The following PRRC2C variants were observed in gnomAD, a reference collection of about 807,000 sequenced individuals.
PRRC2C encodes the protein proline rich coiled-coil 2C, also known as protein PRRC2C.
PRRC2C carries 72 observed loss-of-function variants against 317.2 expected under a neutral mutation model. That is an observed-to-expected ratio of 0.23 (90% CI 0.19 to 0.28). The LOEUF is 0.28. Among genes scored for constraint, PRRC2C ranks in the 10% least tolerant of loss-of-function variants. The pLI is 1.00. For missense variants in PRRC2C, 3,074 were observed against 3,459.7 expected (o/e 0.89, Z 2.80); for synonymous variants, 1,296 against 1,205.9 (o/e 1.07, Z -1.55).
intron 24 of PRRC2C, among the ~76,000 whole-genome samples, chr1:171,573,980 A>G (rs1685266728): frequency 6.6e-6 from 1 of 151,892 alleles, no homozygotes; most frequent in Admixed American, 6.6e-5. Flanking sequence ...CCCGGCCTCT[A>G]TTTCTCAAAA....
Position 171,579,442 on chromosome 1 carries a change from G to A in PRRC2C, c.7248G>A (p.Gln2416=), listed in dbSNP as rs1452226964. Residue 2416 remains glutamine, a synonymous_variant, in exon 27 of 35, where the codon CAG becomes CAA. Coordinates refer to ENST00000647382, the MANE Select transcript of PRRC2C (RefSeq NM_001387844.1). ...RLAPPSLAQQ[Q]GFQPGLSQPT... ...CTCCGCCATCCTTGGCTCAACAACA[G>A]GGTTTCCAACCAGGTCTCTCTCAGG... 2 of 1,613,648 alleles carry A rather than the reference G, an allele frequency of 1.2e-6. No homozygotes were observed. The highest frequency in any genetic ancestry group is 1.7e-6 in the Non-Finnish European group (2 of 1,179,844).
chr1:171,506,084 C>G (rs543477417), intron 1 of PRRC2C, among the ~76,000 whole-genome samples: 1 of 152,180 alleles, frequency 6.6e-6, no homozygotes, highest in South Asian at 2.1e-4. Flanking sequence ...AAAAGTAGAG[C>G]CAGGGTTTCA....
chr1:171,510,308 AGAGT>A (rs1557881456), intron 1 of PRRC2C: 1 of 152,218 alleles, frequency 6.6e-6, no homozygotes, highest in African/African-American at 2.4e-5. Context: ...GTCTTCACCA[AGAGT>A]GCTGCTTGAG....
rs997199381 is a variant in PRRC2C at position 171,568,054 on chromosome 1, G to A, written c.6559-193G>A. On this transcript the variant is annotated intron_variant, in intron 22 of 34. Coordinates refer to ENST00000647382, the MANE Select transcript of PRRC2C (RefSeq NM_001387844.1). ...ATACAAAAATTAATGTCATGGTGGC[G>A]CACGCCTGTAATCCCAGCTACTTCA... 4.6e-5 allele frequency among the ~76,000 whole-genome samples: 7 copies of A among 152,072 alleles called. No individual in the cohort carries two copies. In the East Asian group the frequency reaches 5.8e-4, roughly 13 times the overall value.
chr1:171,578,649 G>T (rs924910236), intron 26 of PRRC2C, among the ~76,000 whole-genome samples: 3 of 152,166 alleles, frequency 2.0e-5, no homozygotes, highest in African/African-American at 7.2e-5. Flanking sequence ...GGGCAGATCA[G>T]TTGAGGCCAG....
At chr1:171,575,503 T>C (rs1024971235) in intron 25 of PRRC2C, among the ~76,000 whole-genome samples, 2 of 152,210 alleles carry the variant, frequency 1.3e-5, no homozygotes, top group African/African-American at 4.8e-5. Context: ...GGTAAAGACT[T>C]AGGGATGGAG....
intron 17 of PRRC2C, among the ~76,000 whole-genome samples, chr1:171,548,352 G>A (rs1679567452): frequency 6.6e-6 from 1 of 152,132 alleles, no homozygotes; most frequent in Admixed American, 6.6e-5. Context: ...TATTTTAGAA[G>A]AAATGTTTGT....
intron 18 of PRRC2C, among the ~76,000 whole-genome samples, chr1:171,552,258 CTGTT>C (rs59561028): frequency 0.012 from 1,901 of 152,216 alleles, 20 homozygotes; most frequent in Non-Finnish European, 0.021. Context: ...ATTTGGCTCT[CTGTT>C]TGTCTGTTAT....
chr1:171,537,385 C>T lies in PRRC2C; in HGVS notation c.2416C>T (p.Arg806Cys), dbSNP rs774541467. The T allele has an allele frequency of 1.3e-5, 21 of 1,588,422 alleles. No homozygotes were observed. The highest frequency in any genetic ancestry group is 4.5e-5 in the East Asian group (2 of 44,074). The change falls in exon 15 of 35, where the codon CGT becomes TGT. Residue 806 changes from arginine to cysteine, a missense_variant. By Grantham distance (180) the Arg-to-Cys change is radical. Around this residue, in one of 11 missense-constraint regions of PRRC2C, gnomAD observed 1,320 missense variants for 1,395.7 expected, o/e 0.95. Transcript: ENST00000647382. Reference sequence around the variant, plus strand: ...TCACGCAATTTCCCTTTCTGAGCCTCGTATGCTGTGGGGGTCAGATCCCTA... The same window carrying T: ...TCACGCAATTTCCCTTTCTGAGCCTTGTATGCTGTGGGGGTCAGATCCCTA... The part of the protein sequence containing the change: ...RDHAISLSEP[R>C]MLWGSDPYPH...
chr1:171,547,126 C>T (rs1294965433), intron 17 of PRRC2C, among the ~76,000 whole-genome samples: 22 of 152,004 alleles, frequency 1.4e-4, no homozygotes, highest in Admixed American at 1.4e-3. Context: ...ACAAAAAAGA[C>T]AGTAAAAACA....
At chr1:171,561,200 T>C in intron 20 of PRRC2C, 97 bp downstream of exon 20, 2 of 1,202,404 alleles carry the variant, frequency 1.7e-6, no homozygotes, top group South Asian at 1.2e-5. Context: ...CCTAGCGTGG[T>C]GGGAGGGTTA....
rs540992679 is a variant in PRRC2C at position 171,556,697 on chromosome 1, T to C, written c.5128-543T>C. ...AATGAACACAAATATCACGAACCAG[T>C]AGATTTTGGATTCCTGGCCTACAAA... On this transcript the variant is annotated intron_variant, in intron 18 of 34. Coordinates refer to ENST00000647382, the MANE Select transcript of PRRC2C (RefSeq NM_001387844.1). Among the ~76,000 whole-genome samples, 3 of 152,364 alleles carry C rather than the reference T, an allele frequency of 2.0e-5. No individual in the cohort carries two copies. The South Asian group carries it at 6.2e-4, about 32-fold the overall frequency.
chr1:171,537,192 T>C, intron 14 of PRRC2C, 71 bp from the exon 15 acceptor site: 1 of 1,179,150 alleles, frequency 8.5e-7, no homozygotes, highest in Non-Finnish European at 1.2e-6. Flanking sequence ...CTGTATTCTA[T>C]GTCTATCATG....
At chr1:171,529,716 T>TAAAACTA (rs1675413430) in intron 11 of PRRC2C, among the ~76,000 whole-genome samples, 1 of 152,250 alleles carries the variant, frequency 6.6e-6, no homozygotes, top group South Asian at 2.1e-4. Context: ...GTTGTCTTTT[T>TAAAACTA]AAAACTATGG....
At chr1:171,584,571 T>C (rs1478570934) in intron 30 of PRRC2C, 45 bp downstream of exon 30, 19 of 1,501,014 alleles carry the variant, frequency 1.3e-5, no homozygotes, top group African/African-American at 2.8e-5. Flanking sequence ...TTTATTATTA[T>C]TTTTATTGCT....
At chr1:171,520,599 G>T (rs1673363274) in intron 6 of PRRC2C, among the ~76,000 whole-genome samples, 1 of 152,040 alleles carries the variant, frequency 6.6e-6, no homozygotes. Flanking sequence ...ATTATGTCTG[G>T]AATGACCAGA....
At chr1:171,571,582 C>G (rs998533107) in intron 24 of PRRC2C, among the ~76,000 whole-genome samples, 161 bp downstream of exon 24, 3 of 152,114 alleles carry the variant, frequency 2.0e-5, no homozygotes, top group African/African-American at 7.2e-5. Flanking sequence ...GTTTTATTAG[C>G]TTCTGATACC....
In PRRC2C at chr1:171,540,665, C is replaced by T. The variant is rs765493224; in HGVS notation, c.3199C>T (p.Pro1067Ser). 6.2e-7 allele frequency: 1 copy of T among 1,613,974 alleles called. No homozygotes were observed. Among genetic ancestry groups the T allele is most frequent in the Non-Finnish European group, 8.5e-7 (1 of 1,179,880 alleles). Residue 1067 changes from proline (P) to serine (S), a missense_variant, in exon 16 of 35, where the codon CCT becomes TCT. Pro to Ser is a moderately conservative substitution (Grantham distance 74). Coordinates refer to ENST00000647382, the MANE Select transcript of PRRC2C (RefSeq NM_001387844.1). Reference sequence around the variant, plus strand: ...GGATCTTCCTCCTCCCCCACCACCACCTCAGCCACCAGCACCAATTCAGCC... The same window carrying T: ...GGATCTTCCTCCTCCCCCACCACCATCTCAGCCACCAGCACCAATTCAGCC... ...KKDLPPPPPP[P>S]QPPAPIQPQS...
chr1:171,517,849 G>A, intron 6 of PRRC2C, 35 bp downstream of exon 6: 1 of 1,579,306 alleles, frequency 6.3e-7, no homozygotes, highest in Non-Finnish European at 8.6e-7. Context: ...ATTCAAACAA[G>A]TGGTTTTTGA....
Sources: gnomAD v4.1 joint callset for allele counts (sites outside exome capture counted in the v4.1 genomes callset) on GRCh38, gnomAD v4.1.1 for gene constraint, gnomAD v4.1.1 regional missense constraint, MANE v1.5 for transcripts, NCBI Gene and HGNC (gene_info 2026-07-23, HGNC 2026-07-21) for gene names.